PHC2: variants seen among roughly 807,000 people sequenced by gnomAD.
The protein encoded by PHC2 is polyhomeotic-like protein 2.
In PHC2, 29 loss-of-function variants were observed where a neutral mutation model predicts 87.4. The ratio of observed to expected loss-of-function variants is 0.33; its 90% CI spans 0.25 to 0.45. PHC2 has a LOEUF of 0.45. PHC2 is among the 20% of genes least tolerant of loss of function. The probability of loss-of-function intolerance (pLI) is 1.00; values close to 1 mark genes in which losing one functional copy is unlikely to be tolerated. For missense variants in PHC2, 857 were observed against 1,136.7 expected, an observed-to-expected ratio of 0.75 and a Z score of 3.54; for synonymous variants, 438 against 461.7, an observed-to-expected ratio of 0.95 and a Z score of 0.66.
At chr1:33,328,507 C>A (rs1047583144) in intron 14 of PHC2, among the ~76,000 whole-genome samples, 1 of 151,766 alleles carries the variant, frequency 6.6e-6, no homozygotes, top group Non-Finnish European at 1.5e-5. Flanking sequence ...TGAGCCACCA[C>A]ACCTGGCTAT....
intron 1 of PHC2, among the ~76,000 whole-genome samples, chr1:33,421,733 C>T (rs1298320756): frequency 1.3e-5 from 2 of 152,254 alleles, no homozygotes; most frequent in South Asian, 2.1e-4. Context: ...ATCTCACATG[C>T]CATTAACAAA....
intron 1 of PHC2, among the ~76,000 whole-genome samples, chr1:33,391,928 T>C (rs531410810): frequency 4.1e-4 from 63 of 152,168 alleles, no homozygotes; most frequent in African/African-American, 1.4e-3. Flanking sequence ...GGCTCTAGTG[T>C]AAGGGCAGGG....
chr1:33,334,035 TA>T lies in PHC2; in HGVS notation c.1761+54del. Reference sequence around the variant, plus strand: ...TTTACATGGAAATGTAAAAATATTCTAAGACACATCCAAAATATACTTAAAA... The same window carrying T: ...TTTACATGGAAATGTAAAAATATTCTAGACACATCCAAAATATACTTAAAA... On this transcript the variant is annotated intron_variant, in intron 10 of 14. Coordinates refer to ENST00000683057, the MANE Select transcript of PHC2 (RefSeq NM_001385109.1). The surrounding 1 kb of genome is among the most constrained non-coding windows in gnomAD (Gnocchi z 5.5). 1 of 1,448,870 alleles carries T rather than the reference TA, an allele frequency of 6.9e-7. No individual in the cohort carries two copies. The highest frequency in any genetic ancestry group is 9.5e-7 in the Non-Finnish European group (1 of 1,051,126). 89.8% of individuals were successfully genotyped at this position (1,448,870 alleles called of 1,614,324 possible).
At chr1:33,399,092 G>C (rs1057436488) in intron 1 of PHC2, among the ~76,000 whole-genome samples, 32 of 152,166 alleles carry the variant, frequency 2.1e-4, no homozygotes, top group Non-Finnish European at 1.0e-4. Flanking sequence ...GAACAAAACA[G>C]TGTGTGGGGT....
chr1:33,348,992 T>G (rs948995294), intron 9 of PHC2: 8 of 872,996 alleles, frequency 9.2e-6, no homozygotes, highest in Non-Finnish European at 1.1e-5. Flanking sequence ...TGGACTTCAG[T>G]TTAAATACAG....
chr1:33,390,963 C>T (rs537080945), intron 1 of PHC2, among the ~76,000 whole-genome samples: 12 of 151,958 alleles, frequency 7.9e-5, no homozygotes, highest in Non-Finnish European at 1.2e-4. Context: ...AAGACAGGTT[C>T]GATTGGGACT....
intron 9 of PHC2, among the ~76,000 whole-genome samples, chr1:33,344,608 A>AT (rs1208115245): frequency 1.3e-5 from 2 of 151,948 alleles, no homozygotes; most frequent in Admixed American, 1.3e-4. Flanking sequence ...AAATTTTTTT[A>AT]TTTTTTATTT....
At position 33,382,782 on chromosome 1, in the gene PHC2, C is replaced by T. The variant is rs972286843; in HGVS notation, c.-54-7189G>A. Reference sequence around the variant, plus strand: ...CTGATGGTTCTGCCCTCCCAGGAGCCGCCAAGTCTACGAAACACTAGGCCT... The same window carrying T: ...CTGATGGTTCTGCCCTCCCAGGAGCTGCCAAGTCTACGAAACACTAGGCCT... On this transcript the variant is annotated intron_variant, in intron 1 of 14. Coordinates refer to ENST00000683057, the MANE Select transcript of PHC2 (RefSeq NM_001385109.1). The surrounding 1 kb of genome is among the most constrained non-coding windows in gnomAD (Gnocchi z 4.3). Among the ~76,000 whole-genome samples the T allele has an allele frequency of 3.3e-5, 5 of 152,172 alleles. No homozygotes were observed. Among genetic ancestry groups the T allele is most frequent in the Admixed American group, 1.3e-4 (2 of 15,286 alleles).
chr1:33,394,955 A>G (rs529348671), intron 1 of PHC2, among the ~76,000 whole-genome samples: 2 of 152,274 alleles, frequency 1.3e-5, no homozygotes, highest in East Asian at 1.9e-4. Context: ...CTAAACATTC[A>G]TCTACCCTAT....
Position 33,375,361 on chromosome 1 carries a change from C to A in PHC2, c.174+5G>T. 6.4e-7 allele frequency: 1 copy of A among 1,554,512 alleles called. No homozygotes were observed. Among genetic ancestry groups the A allele is most frequent in the Non-Finnish European group, 8.7e-7 (1 of 1,147,680 alleles). On this transcript the variant is annotated splice_donor_5th_base_variant and intron_variant, in intron 2 of 14. Transcript: ENST00000683057. ...GTATAATTCCCAGATCAATTAGACT[C>A]TTACCTGCACGGTCTGCCGGTCTGG... is the stretch of plus-strand genomic sequence containing the variant.
chr1:33,390,539 C>T (rs912954053), intron 1 of PHC2, among the ~76,000 whole-genome samples: 9 of 152,276 alleles, frequency 5.9e-5, no homozygotes, highest in Admixed American at 2.0e-4. Flanking sequence ...CACCACCATC[C>T]GCCCCTTCCC....
intron 7 of PHC2, chr1:33,363,841 GCTTC>G: frequency 1.0e-6 from 1 of 985,270 alleles, no homozygotes. Flanking sequence ...TTAGGACTCG[GCTTC>G]CCTGAAGGCC....
intron 1 of PHC2, among the ~76,000 whole-genome samples, chr1:33,408,163 T>C (rs1472745703): frequency 1.3e-5 from 2 of 152,232 alleles, no homozygotes; most frequent in African/African-American, 4.8e-5. Context: ...TAGCTCGCCA[T>C]TACTGGAAGT....
chr1:33,329,217 T>A, intron 13 of PHC2, 71 bp from the exon 14 acceptor site: 3 of 1,494,632 alleles, frequency 2.0e-6, no homozygotes, highest in Non-Finnish European at 2.7e-6. Flanking sequence ...ACAAAGGAGG[T>A]ATTTCTCCTT....
chr1:33,355,802 C>T (rs910017129), intron 7 of PHC2, among the ~76,000 whole-genome samples: 1 of 152,230 alleles, frequency 6.6e-6, no homozygotes, highest in East Asian at 1.9e-4. Context: ...TACTGGTTCC[C>T]TCTGTTATAT....
intron 1 of PHC2, among the ~76,000 whole-genome samples, chr1:33,416,584 GAAA>G (rs61591207): frequency 8.6e-6 from 1 of 115,842 alleles, no homozygotes; most frequent in Non-Finnish European, 1.7e-5. Flanking sequence ...TCAAAAAAAA[GAAA>G]AAAAAAAAAA....
chr1:33,407,360 G>A (rs1056389018), intron 1 of PHC2, among the ~76,000 whole-genome samples: 13 of 152,232 alleles, frequency 8.5e-5, no homozygotes, highest in Admixed American at 3.9e-4. Flanking sequence ...TATTTTCAAG[G>A]TTAATAAATG....
At chr1:33,377,100 A>G (rs1316748648) in intron 1 of PHC2, among the ~76,000 whole-genome samples, 1 of 152,210 alleles carries the variant, frequency 6.6e-6, no homozygotes, top group Non-Finnish European at 1.5e-5. Flanking sequence ...AATCAGAAAG[A>G]CTTGGCTTTG....
intron 7 of PHC2, among the ~76,000 whole-genome samples, chr1:33,361,012 A>ATT (rs1185597009): frequency 6.6e-6 from 1 of 152,260 alleles, no homozygotes; most frequent in Non-Finnish European, 1.5e-5. Flanking sequence ...GCAGTTGAGA[A>ATT]TACTGGAGGC....
Sources: allele counts gnomAD v4.1 joint callset (sites outside exome capture counted in the v4.1 genomes callset), GRCh38; gene constraint gnomAD v4.1.1; non-coding constraint Gnocchi (gnomAD v3.1); transcripts MANE v1.5; gene names NCBI Gene and HGNC (gene_info 2026-07-23, HGNC 2026-07-21).